The following EPHA4 variants were observed in gnomAD, a reference collection of about 807,000 sequenced individuals.
The protein encoded by EPHA4 is EPH receptor A4.
Under a neutral mutation model 108.3 loss-of-function variants are expected in EPHA4, and 19 were observed. The ratio of observed to expected loss-of-function variants is 0.18; its 90% confidence interval spans 0.12 to 0.26. The LOEUF is 0.26. Ranked by LOEUF, EPHA4 falls within the 10% of genes least tolerant of loss-of-function variation. EPHA4 has a pLI of 1.00. For missense variants in EPHA4, 917 were observed against 1,254.0 expected, an observed-to-expected ratio of 0.73 and a Z score of 4.06; for synonymous variants, 449 against 455.5, an observed-to-expected ratio of 0.99 and a Z score of 0.18.
At chr2:221,527,266 C>G (rs191200140) in intron 3 of EPHA4, among the ~76,000 whole-genome samples, 21 of 152,318 alleles carry the variant, frequency 1.4e-4, no homozygotes, top group African/African-American at 5.1e-4. Context: ...CTGTTCGGCT[C>G]TTGAGGCCTC....
At chr2:221,514,126 G>A (rs1457833898) in intron 3 of EPHA4, among the ~76,000 whole-genome samples, 1 of 151,428 alleles carries the variant, frequency 6.6e-6, no homozygotes, top group Non-Finnish European at 1.5e-5. Flanking sequence ...AATGCATTTT[G>A]AACTCTTCAG....
At chr2:221,475,603 C>T (rs767593118) in intron 5 of EPHA4, among the ~76,000 whole-genome samples, 7 of 152,176 alleles carry the variant, frequency 4.6e-5, no homozygotes, top group Non-Finnish European at 7.3e-5. Context: ...TGCCCATGTT[C>T]GCTTTGCCGG....
chr2:221,421,817 A>AT (rs1360167790), intron 17 of EPHA4, among the ~76,000 whole-genome samples: 1 of 152,222 alleles, frequency 6.6e-6, no homozygotes, highest in Non-Finnish European at 1.5e-5. Flanking sequence ...TATTTTGCCT[A>AT]TTTTATCAAA....
intron 14 of EPHA4, among the ~76,000 whole-genome samples, chr2:221,433,693 A>C (rs1349691742): frequency 6.6e-6 from 1 of 152,238 alleles, no homozygotes; most frequent in African/African-American, 2.4e-5. Flanking sequence ...GCTTTATTTT[A>C]GAGTCCTCAA....
chr2:221,473,295 G>T (rs984587372), intron 5 of EPHA4, among the ~76,000 whole-genome samples: 3 of 152,034 alleles, frequency 2.0e-5, no homozygotes, highest in Admixed American at 1.3e-4. Flanking sequence ...ATAGACCAAA[G>T]GTTTGCTTAT....
At chr2:221,545,775 A>G (rs1693979053) in intron 3 of EPHA4, among the ~76,000 whole-genome samples, 1 of 152,068 alleles carries the variant, frequency 6.6e-6, no homozygotes, top group South Asian at 2.1e-4. Flanking sequence ...ACACACATTC[A>G]CATACACACA....
intron 14 of EPHA4, among the ~76,000 whole-genome samples, chr2:221,433,419 A>G (rs1198617788): frequency 2.6e-5 from 4 of 152,226 alleles, no homozygotes; most frequent in Admixed American, 1.3e-4. Context: ...ATGATTCCCA[A>G]TCTTACCAGA....
chr2:221,563,455 A>T, intron 3 of EPHA4, among the ~76,000 whole-genome samples: 1 of 152,212 alleles, frequency 6.6e-6, no homozygotes, highest in Admixed American at 6.5e-5. Flanking sequence ...TTGTTCATTT[A>T]CATTTCAGAG....
At chr2:221,426,680 GA>G in intron 15 of EPHA4, 61 bp from the exon 16 acceptor site, 1 of 1,473,198 alleles carries the variant, frequency 6.8e-7, no homozygotes, top group Non-Finnish European at 9.2e-7. Flanking sequence ...AGAAGACTCA[GA>G]AATCTGATTG....
chr2:221,499,756 A>ATTTTTTT (rs575017779), intron 4 of EPHA4, among the ~76,000 whole-genome samples: 7 of 26,220 alleles, frequency 2.7e-4, no homozygotes, highest in Admixed American at 2.2e-3. Flanking sequence ...ATATATATAT[A>ATTTTTTT]TTTTTTTTTT....
chr2:221,544,537 G>T (rs1197402622), intron 3 of EPHA4, among the ~76,000 whole-genome samples: 1 of 152,112 alleles, frequency 6.6e-6, no homozygotes, highest in Non-Finnish European at 1.5e-5. Flanking sequence ...TTTTGGCCAG[G>T]CTGGTCTCGA....
At chr2:221,438,173 CCCTA>C (rs1023217601) in intron 11 of EPHA4, among the ~76,000 whole-genome samples, 13 of 151,312 alleles carry the variant, frequency 8.6e-5, no homozygotes, top group African/African-American at 2.7e-4. Context: ...CCCCCATTCC[CCCTA>C]CCTATTTTTT....
intron 17 of EPHA4, among the ~76,000 whole-genome samples, chr2:221,421,399 A>C (rs1689758569): frequency 6.6e-6 from 1 of 152,234 alleles, no homozygotes; most frequent in Non-Finnish European, 1.5e-5. Context: ...AAATAGAAGT[A>C]TCTAATCTAA....
chr2:221,489,158 A>G (rs1692066034), intron 4 of EPHA4, among the ~76,000 whole-genome samples: 1 of 152,174 alleles, frequency 6.6e-6, no homozygotes. Flanking sequence ...ACTCTACCTC[A>G]CACCCAAAGT....
chr2:221,418,869 A>T lies in EPHA4; in HGVS notation c.*2503T>A. ...AAGAGTCAACCTCATTTCTTTATAC[A>T]TATTTTTCAGGCATCAATGCATAGG... On this transcript the variant is annotated 3_prime_UTR_variant, in exon 18 of 18. Transcript: ENST00000281821. The T allele has an allele frequency of 6.6e-6, 1 of 152,610 alleles. No homozygotes were observed. The highest frequency in any genetic ancestry group is 1.9e-4 in the East Asian group (1 of 5,200). The allele number at this position is 152,610 out of a possible 1,614,324, so 9.5% of individuals were successfully genotyped here. A position where few individuals can be genotyped will look rare whatever the true frequency, so the allele number is the denominator to read the frequency against.
intron 4 of EPHA4, among the ~76,000 whole-genome samples, chr2:221,489,164 A>G (rs1692067850): frequency 6.6e-6 from 1 of 152,226 alleles, no homozygotes; most frequent in South Asian, 2.1e-4. Flanking sequence ...CCTCACACCC[A>G]AAGTCAGAGA....
At chr2:221,506,664 T>G (rs903314812) in intron 3 of EPHA4, among the ~76,000 whole-genome samples, 1 of 152,222 alleles carries the variant, frequency 6.6e-6, no homozygotes, top group African/African-American at 2.4e-5. Flanking sequence ...CCAAATCACC[T>G]GCATTCTACA....
At chr2:221,466,947 C>G (rs191223993) in intron 5 of EPHA4, among the ~76,000 whole-genome samples, 6 of 152,104 alleles carry the variant, frequency 3.9e-5, no homozygotes, top group Non-Finnish European at 8.8e-5. Flanking sequence ...ACAGCAGTAG[C>G]GGCAGCAGCA....
intron 3 of EPHA4, among the ~76,000 whole-genome samples, chr2:221,510,988 C>T (rs949846320): frequency 1.4e-4 from 22 of 152,174 alleles, no homozygotes; most frequent in African/African-American, 5.3e-4. Flanking sequence ...AGATTGCTAG[C>T]TCCAATCTCT....
Sources: gnomAD v4.1 joint callset for allele counts (sites outside exome capture counted in the v4.1 genomes callset) on GRCh38, gnomAD v4.1.1 for gene constraint, MANE v1.5 for transcripts, NCBI Gene and HGNC (gene_info 2026-07-23, HGNC 2026-07-21) for gene names.